The following CSMD1 variants were observed in gnomAD, a reference collection of about 807,000 sequenced individuals.
The protein encoded by CSMD1 is CUB and Sushi multiple domains 1.
A neutral mutation model predicts 417.5 loss-of-function variants in CSMD1; 213 were observed. That is an observed-to-expected ratio of 0.51 (90% CI 0.46 to 0.57). CSMD1 has a LOEUF of 0.57. CSMD1 is among the 20% of genes least tolerant of loss of function. The probability of loss-of-function intolerance (pLI) is 0.00; values close to 1 mark genes in which losing one functional copy is unlikely to be tolerated. For synonymous variants in CSMD1, 2,862 were observed against 1,736.8 expected (o/e 1.65, Z -16.11); for missense variants, 6,923 against 4,529.7 (o/e 1.53, Z -15.17).
At chr8:4,615,679 A>G (rs1411030172) in intron 2 of CSMD1, among the ~76,000 whole-genome samples, 1 of 152,156 alleles carries the variant, frequency 6.6e-6, no homozygotes. Flanking sequence ...TCCTTATACC[A>G]TCTTGTGCAC....
intron 23 of CSMD1, among the ~76,000 whole-genome samples, chr8:3,315,276 C>G (rs952978179): frequency 6.6e-6 from 1 of 152,044 alleles, no homozygotes; most frequent in Non-Finnish European, 1.5e-5. Flanking sequence ...AAGGGAGTTT[C>G]AAAGGTAATT....
intron 2 of CSMD1, among the ~76,000 whole-genome samples, chr8:4,517,189 G>C (rs1467191829): frequency 6.6e-6 from 1 of 152,174 alleles, no homozygotes; most frequent in African/African-American, 2.4e-5. Flanking sequence ...AAAACAAGCA[G>C]TTTATGAGAC....
chr8:3,827,452 A>T (rs963980542), intron 5 of CSMD1, among the ~76,000 whole-genome samples: 1 of 152,240 alleles, frequency 6.6e-6, no homozygotes, highest in Non-Finnish European at 1.5e-5. Context: ...ATATTTTAAT[A>T]GTGCAAAACC....
chr8:3,142,987 C>CA (rs1818597334), intron 40 of CSMD1, among the ~76,000 whole-genome samples: 1 of 152,204 alleles, frequency 6.6e-6, no homozygotes, highest in African/African-American at 2.4e-5. Context: ...AACTAGCACA[C>CA]ACGCACTCGG....
chr8:4,910,932 C>A (rs937217617), intron 1 of CSMD1, among the ~76,000 whole-genome samples: 8 of 152,138 alleles, frequency 5.3e-5, no homozygotes, highest in African/African-American at 1.9e-4. Flanking sequence ...GGGGTCAGGT[C>A]TCTCCCATGC....
chr8:3,692,502 C>T (rs1474885505), intron 7 of CSMD1, among the ~76,000 whole-genome samples: 2 of 140,526 alleles, frequency 1.4e-5, no homozygotes, highest in Non-Finnish European at 1.5e-5. Flanking sequence ...AGTGCACTGG[C>T]GCGATATCGG....
chr8:3,828,496 T>G lies in CSMD1; in HGVS notation c.819-74454A>C, dbSNP rs528832909. Among the ~76,000 whole-genome samples, 11 of 152,328 alleles carry G rather than the reference T, an allele frequency of 7.2e-5. No homozygotes were observed. The East Asian group carries it at 1.9e-3, about 27-fold the overall frequency. On this transcript the variant is annotated intron_variant, in intron 5 of 69. Coordinates refer to ENST00000635120, the MANE Select transcript of CSMD1 (RefSeq NM_033225.6). ...CAGAAAATCACTTGATCTTTATCAGTGTTTCCCAAACACTAGTTATCTATA... is the reference window on the plus strand; with the variant it reads ...CAGAAAATCACTTGATCTTTATCAGGGTTTCCCAAACACTAGTTATCTATA...
rs780948947 is a variant in CSMD1 at position 4,031,951 on chromosome 8, G to A, written c.564C>T (p.Ser188=). The stretch of plus-strand genomic sequence containing the variant: ...AGTCCCACGATGCACCATTTCCTGG[G>A]CTGACGATGCAGGTCAGGATGGCGT... ...EGHAILTCIV[S]PGNGASWDFP... The change falls in exon 4 of 70, where the codon AGC becomes AGT. Residue 188 remains serine, a synonymous_variant. Transcript: ENST00000635120. 14 of 1,613,824 alleles carry A rather than the reference G, an allele frequency of 8.7e-6. No individual in the cohort carries two copies. The highest frequency in any genetic ancestry group is 6.7e-5 in the African/African-American group (5 of 74,902).
chr8:3,571,975 C>G (rs1291120865), intron 10 of CSMD1, among the ~76,000 whole-genome samples: 2 of 152,144 alleles, frequency 1.3e-5, no homozygotes, highest in East Asian at 3.9e-4. Context: ...CCCCCTAAAG[C>G]GCAGCCTTCC....
chr8:4,071,642 G>A (rs1480118448), intron 3 of CSMD1, among the ~76,000 whole-genome samples: 1 of 152,084 alleles, frequency 6.6e-6, no homozygotes, highest in African/African-American at 2.4e-5. Context: ...TAAACTAGCT[G>A]AAATATGTGG....
rs141368099 is a variant in CSMD1 at position 4,920,770 on chromosome 8, C to T, written c.85+73562G>A. On this transcript the variant is annotated intron_variant, in intron 1 of 69. Coordinates refer to ENST00000635120, the MANE Select transcript of CSMD1 (RefSeq NM_033225.6). ...CCCAGGAGGCAGAGGTTGCACCAAGCCAAGATTGTGCCATTGCGGTCCAGC... is the reference window on the plus strand; with the variant it reads ...CCCAGGAGGCAGAGGTTGCACCAAGTCAAGATTGTGCCATTGCGGTCCAGC... Among the ~76,000 whole-genome samples the T allele has an allele frequency of 1.2e-3, 175 of 151,190 alleles. 3 individuals carry two copies. In the East Asian group the frequency reaches 0.032, roughly 27 times the overall value.
rs538052443 is a variant in CSMD1 at position 3,348,856 on chromosome 8, C to T, written c.3305-695G>A. On this transcript the variant is annotated intron_variant, in intron 21 of 69. Transcript: ENST00000635120. ...CATACAACTCTCTACTTTCTGTCAA[C>T]CTGGAGAAAGTCACTTAACCTTTCA... 4.6e-5 allele frequency among the ~76,000 whole-genome samples: 7 copies of T among 152,322 alleles called. No individual in the cohort carries two copies. In the South Asian group the frequency reaches 1.4e-3, roughly 32 times the overall value.
chr8:4,875,226 G>A (rs1450428344), intron 1 of CSMD1, among the ~76,000 whole-genome samples: 1 of 151,946 alleles, frequency 6.6e-6, no homozygotes, highest in Non-Finnish European at 1.5e-5. Flanking sequence ...AGGAAAATAA[G>A]CATGAGAATT....
chr8:4,764,279 T>C (rs1812303535), intron 1 of CSMD1, among the ~76,000 whole-genome samples: 1 of 152,086 alleles, frequency 6.6e-6, no homozygotes, highest in African/African-American at 2.4e-5. Flanking sequence ...ATATTGGGGG[T>C]AGAGGTGAGA....
At chr8:4,300,399 A>G (rs776557582) in intron 3 of CSMD1, among the ~76,000 whole-genome samples, 1 of 152,214 alleles carries the variant, frequency 6.6e-6, no homozygotes, top group Non-Finnish European at 1.5e-5. Flanking sequence ...ATCAACCTCA[A>G]GACACTTTTG....
At chr8:3,043,266 T>C (rs114989120) in intron 50 of CSMD1, among the ~76,000 whole-genome samples, 3 of 148,486 alleles carry the variant, frequency 2.0e-5, no homozygotes, top group Non-Finnish European at 1.5e-5. Flanking sequence ...TATAGTACTA[T>C]AGCGAATATA....
Position 3,190,082 on chromosome 8 carries a change from G to C in CSMD1, c.5228C>G (p.Ser1743Cys), listed in dbSNP as rs776369431. Residue 1743 changes from serine (S) to cysteine (C), a missense_variant, in exon 34 of 70, where the codon TCT (serine) becomes TGT (cysteine). Physicochemically the swap from Ser to Cys is moderately radical, Grantham distance 112. Coordinates refer to ENST00000635120, the MANE Select transcript of CSMD1 (RefSeq NM_033225.6). ...CCTTCCGTATCTGGGCTCGGGGACA[G>C]AGCTGCATTGGGTGTCACTGGTACG... is the stretch of plus-strand genomic sequence containing the variant. ...VPRTSDTQCS[S>C]VPEPRYGRRI... The C allele has an allele frequency of 1.3e-6, 2 of 1,594,098 alleles. No homozygotes were observed. The highest frequency in any genetic ancestry group is 1.3e-5 in the African/African-American group (1 of 74,686).
intron 30 of CSMD1, among the ~76,000 whole-genome samples, chr8:3,212,881 G>GT (rs1797695939): frequency 6.7e-6 from 1 of 149,556 alleles, no homozygotes; most frequent in Admixed American, 6.7e-5. Context: ...CCAAGCTGGA[G>GT]TGTAATGGCA....
At chr8:4,778,150 A>G (rs754299822) in intron 1 of CSMD1, among the ~76,000 whole-genome samples, 1 of 152,218 alleles carries the variant, frequency 6.6e-6, no homozygotes, top group African/African-American at 2.4e-5. Flanking sequence ...ATAAATATAC[A>G]TTACATATAA....
Sources: gnomAD v4.1 joint callset for allele counts (sites outside exome capture counted in the v4.1 genomes callset) on GRCh38, gnomAD v4.1.1 for gene constraint, MANE v1.5 for transcripts, NCBI Gene and HGNC (gene_info 2026-07-23, HGNC 2026-07-21) for gene names.